Variants in PRKCE observed in about 807,000 individuals in gnomAD.
PRKCE encodes the protein protein kinase C epsilon.
PRKCE carries 16 observed loss-of-function variants against 85.4 expected under a neutral mutation model. The ratio of observed to expected loss-of-function variants is 0.19; its 90% CI spans 0.13 to 0.28. The LOEUF (loss-of-function observed/expected upper bound fraction) is 0.28, where lower values mean the gene tolerates loss of function less well. PRKCE is among the 10% of genes least tolerant of loss of function. PRKCE has a pLI of 1.00. For missense variants in PRKCE, 573 were observed against 975.2 expected (o/e 0.59, Z 5.49); for synonymous variants, 388 against 371.5 (o/e 1.04, Z -0.51).
At chr2:45,693,972 G>T (rs946878534) in intron 1 of PRKCE, among the ~76,000 whole-genome samples, 1 of 151,854 alleles carries the variant, frequency 6.6e-6, no homozygotes. Context: ...AAAGAAGTCC[G>T]ACTCGTGTGG....
chr2:45,976,119 C>A (rs928165526), intron 2 of PRKCE, among the ~76,000 whole-genome samples: 1 of 152,200 alleles, frequency 6.6e-6, no homozygotes, highest in Non-Finnish European at 1.5e-5. Context: ...GACCCCCAAG[C>A]CCTTGAAACC....
intron 2 of PRKCE, among the ~76,000 whole-genome samples, chr2:45,911,863 T>C (rs1022679859): frequency 1.3e-5 from 2 of 152,176 alleles, no homozygotes; most frequent in Non-Finnish European, 2.9e-5. Flanking sequence ...AGGATTGTTA[T>C]GAGAATTAAT....
intron 2 of PRKCE, among the ~76,000 whole-genome samples, chr2:45,915,698 G>A (rs1008368528): frequency 4.6e-5 from 7 of 152,168 alleles, no homozygotes; most frequent in Non-Finnish European, 8.8e-5. Context: ...TGGTGCTGGT[G>A]GAGCTCAGTC....
At chr2:45,805,596 C>CTTTTTTTT in intron 1 of PRKCE, among the ~76,000 whole-genome samples, 1 of 142,606 alleles carries the variant, frequency 7.0e-6, no homozygotes, top group Non-Finnish European at 1.5e-5. Context: ...TTACCTTCCT[C>CTTTTTTTT]TTTTTTTTTT....
At chr2:45,869,702 C>CTTTTTTTT (rs201819838) in intron 2 of PRKCE, among the ~76,000 whole-genome samples, 6 of 122,580 alleles carry the variant, frequency 4.9e-5, no homozygotes, top group South Asian at 3.1e-4. Context: ...TTGTTTCTCT[C>CTTTTTTTT]TCTCTTTTTT....
At chr2:46,102,145 C>T (rs914019719) in intron 11 of PRKCE, among the ~76,000 whole-genome samples, 1 of 152,142 alleles carries the variant, frequency 6.6e-6, no homozygotes, top group Non-Finnish European at 1.5e-5. Flanking sequence ...CCATGGAAAT[C>T]AGCAAGGGTT....
chr2:45,899,860 A>G (rs1260718892), intron 2 of PRKCE, among the ~76,000 whole-genome samples: 4 of 152,198 alleles, frequency 2.6e-5, no homozygotes, highest in Non-Finnish European at 5.9e-5. Flanking sequence ...CCATGCGGCA[A>G]TTGTGTCTCT....
At chr2:45,928,715 G>A (rs1196387810) in intron 2 of PRKCE, among the ~76,000 whole-genome samples, 2 of 152,208 alleles carry the variant, frequency 1.3e-5, no homozygotes. Context: ...ATGAGGCTGG[G>A]ACAAGCCTTC....
intron 1 of PRKCE, among the ~76,000 whole-genome samples, chr2:45,813,503 G>A (rs933278538): frequency 6.6e-5 from 10 of 152,164 alleles, no homozygotes; most frequent in Admixed American, 2.0e-4. Context: ...TTCTGGCCAC[G>A]TGCCCAGCTC....
At chr2:45,770,885 C>A (rs906837128) in intron 1 of PRKCE, 4 of 149,846 alleles carry the variant, frequency 2.7e-5, no homozygotes, top group Admixed American at 2.0e-4. Context: ...TTTTTTTTAA[C>A]ACTTTTCTTA....
rs182009719 is a variant in PRKCE, at chr2:45,806,655, G to A, written c.349-36345G>A. Among the ~76,000 whole-genome samples, 364 of 152,250 alleles carry A rather than the reference G, an allele frequency of 2.4e-3. 3 individuals carry two copies. The highest frequency in any genetic ancestry group is 0.016 in the Admixed American group (248 of 15,294). On this transcript the variant is annotated intron_variant, in intron 1 of 14. Coordinates refer to ENST00000306156, the MANE Select transcript of PRKCE (RefSeq NM_005400.3). ...GTCTCTATGAATGTGACTACTGTAG[G>A]ACCTCGTGTAAGTGGATCATACAGT...
intron 1 of PRKCE, among the ~76,000 whole-genome samples, chr2:45,793,798 C>T (rs1332366429): frequency 1.3e-5 from 2 of 152,208 alleles, no homozygotes; most frequent in East Asian, 3.8e-4. Context: ...TAAACCTGTG[C>T]TGGTGCTTGT....
At chr2:46,018,257 C>G (rs2104853804) in intron 10 of PRKCE, among the ~76,000 whole-genome samples, 1 of 152,328 alleles carries the variant, frequency 6.6e-6, no homozygotes, top group South Asian at 2.1e-4. Context: ...CCATTGCTTA[C>G]TGAGCACCTG....
intron 6 of PRKCE, among the ~76,000 whole-genome samples, chr2:45,992,632 C>T (rs1344193880): frequency 2.0e-5 from 3 of 152,166 alleles, no homozygotes; most frequent in African/African-American, 4.8e-5. Context: ...CAAATTACCC[C>T]AACATAAAGA....
At chr2:45,881,545 T>G (rs1005056372) in intron 2 of PRKCE, among the ~76,000 whole-genome samples, 7 of 152,230 alleles carry the variant, frequency 4.6e-5, no homozygotes, top group Non-Finnish European at 8.8e-5. Context: ...TAATATGCAC[T>G]AAATCATATA....
At chr2:46,047,506 A>C (rs1708598915) in intron 10 of PRKCE, among the ~76,000 whole-genome samples, 1 of 152,228 alleles carries the variant, frequency 6.6e-6, no homozygotes, top group Admixed American at 6.5e-5. Flanking sequence ...CTGTGTGGTC[A>C]GTGGAAGGAG....
At chr2:45,725,282 G>A (rs2090414) in intron 1 of PRKCE, among the ~76,000 whole-genome samples, 63,046 of 152,002 alleles carry the variant, frequency 0.41, 13,344 homozygotes, top group South Asian at 0.49. Context: ...CTCAGAAAAA[G>A]ATTTCTTTCA....
At chr2:45,975,134 C>G (rs1359764948) in intron 2 of PRKCE, among the ~76,000 whole-genome samples, 1 of 152,194 alleles carries the variant, frequency 6.6e-6, no homozygotes, top group African/African-American at 2.4e-5. Flanking sequence ...TACTTAAACT[C>G]TATTCTTCGC....
chr2:46,011,618 T>C (rs1448126098), intron 10 of PRKCE, among the ~76,000 whole-genome samples: 1 of 152,188 alleles, frequency 6.6e-6, no homozygotes, highest in African/African-American at 2.4e-5. Flanking sequence ...CTGTGACCCA[T>C]AGTTGGAGTC....
Sources: allele counts gnomAD v4.1 joint callset (sites outside exome capture counted in the v4.1 genomes callset), GRCh38; gene constraint gnomAD v4.1.1; transcripts MANE v1.5; gene names NCBI Gene and HGNC (gene_info 2026-07-23, HGNC 2026-07-21).